The following PTPRD variants were observed in gnomAD, a reference collection of about 807,000 sequenced individuals.
PTPRD encodes the protein protein tyrosine phosphatase receptor type D.
A neutral mutation model predicts 214.5 loss-of-function variants in PTPRD; 34 were observed. The ratio of observed to expected loss-of-function variants is 0.16; its 90% CI spans 0.12 to 0.21. The LOEUF (loss-of-function observed/expected upper bound fraction) is 0.21. PTPRD is among the 10% of genes least tolerant of loss of function. The pLI, the probability that PTPRD is intolerant of heterozygous loss-of-function variation, is 1.00. For missense variants in PTPRD, 2,545 were observed against 2,398.7 expected, an observed-to-expected ratio of 1.06 and a Z score of -1.27; for synonymous variants, 1,128 against 845.7, an observed-to-expected ratio of 1.33 and a Z score of -5.79.
intron 3 of PTPRD, among the ~76,000 whole-genome samples, chr9:10,095,286 T>C (rs1266007541): frequency 6.6e-6 from 1 of 151,448 alleles, no homozygotes; most frequent in Non-Finnish European, 1.5e-5. Context: ...GTACCCAATA[T>C]CCCATAGATG....
rs1442148328 is a variant in PTPRD, at chr9:9,189,939, T to C, written c.-202-6576A>G. Among the ~76,000 whole-genome samples, 6 of 152,006 alleles carry C rather than the reference T, an allele frequency of 3.9e-5. No individual in the cohort carries two copies. The East Asian group carries it at 1.2e-3, about 30-fold the overall frequency. ...GTAATTTGAGCAGAAGTATCACATGTCACTTCCATGCAGAAGACTTTAATA... is the reference window on the plus strand; with the variant it reads ...GTAATTTGAGCAGAAGTATCACATGCCACTTCCATGCAGAAGACTTTAATA... On this transcript the variant is annotated intron_variant, in intron 9 of 45. Transcript: ENST00000381196.
intron 9 of PTPRD, among the ~76,000 whole-genome samples, chr9:9,235,420 T>C (rs537656574): frequency 7.9e-5 from 12 of 152,314 alleles, no homozygotes; most frequent in Non-Finnish European, 5.9e-5. Flanking sequence ...ATTGCACTCC[T>C]ACATGGCTGT....
chr9:10,179,465 T>G (rs1405931270), intron 3 of PTPRD, among the ~76,000 whole-genome samples: 1 of 151,988 alleles, frequency 6.6e-6, no homozygotes, highest in Non-Finnish European at 1.5e-5. Context: ...AATGATAAAA[T>G]ATAGTCCTAA....
chr9:9,927,368 C>G (rs1177795953), intron 5 of PTPRD, among the ~76,000 whole-genome samples: 3 of 152,086 alleles, frequency 2.0e-5, no homozygotes, highest in African/African-American at 7.2e-5. Context: ...CTGTCCTTTC[C>G]TAAGTGCCCT....
intron 2 of PTPRD, among the ~76,000 whole-genome samples, chr9:10,455,012 G>T (rs1271791468): frequency 6.6e-6 from 1 of 151,600 alleles, no homozygotes; most frequent in Non-Finnish European, 1.5e-5. Context: ...GTGTATATTT[G>T]ACTTTTTAAG....
intron 8 of PTPRD, among the ~76,000 whole-genome samples, chr9:9,441,042 G>T (rs1011028520): frequency 6.6e-6 from 1 of 152,084 alleles, no homozygotes; most frequent in Non-Finnish European, 1.5e-5. Context: ...CCCCTCATTG[G>T]GCCAAAATGG....
chr9:8,740,749 GA>G (rs33941183), intron 11 of PTPRD, among the ~76,000 whole-genome samples: 11,146 of 151,962 alleles, frequency 0.073, 1,093 homozygotes, highest in African/African-American at 0.23. Context: ...AATCAGTTAG[GA>G]AAAACAACAA....
At position 10,106,856 on chromosome 9, in the gene PTPRD, A is replaced by G. The variant is rs116796576; in HGVS notation, c.-544-73066T>C. Among the ~76,000 whole-genome samples, 667 of 152,080 alleles carry G rather than the reference A, an allele frequency of 4.4e-3. 2 individuals are homozygous for G. The highest frequency in any genetic ancestry group is 0.016 in the African/African-American group (651 of 41,526). ...TGTTTCATTGAAACTTTTGGCAGTG[A>G]CATACAGAAAGGAAAGGGAGAGTGA... On this transcript the variant is annotated intron_variant, in intron 3 of 45. Transcript: ENST00000381196.
At chr9:9,707,777 T>C (rs2097652448) in intron 7 of PTPRD, among the ~76,000 whole-genome samples, 1 of 152,142 alleles carries the variant, frequency 6.6e-6, no homozygotes, top group South Asian at 2.1e-4. Flanking sequence ...GCAGTGCCAC[T>C]ATTCTATTGG....
intron 5 of PTPRD, among the ~76,000 whole-genome samples, chr9:9,928,972 G>C (rs1354477728): frequency 6.6e-6 from 1 of 152,098 alleles, no homozygotes; most frequent in Non-Finnish European, 1.5e-5. Flanking sequence ...ATAAAATAGA[G>C]ACTATTTAGA....
intron 8 of PTPRD, among the ~76,000 whole-genome samples, chr9:9,572,031 A>G (rs1378388225): frequency 1.3e-5 from 2 of 151,330 alleles, no homozygotes; most frequent in Non-Finnish European, 3.0e-5. Flanking sequence ...GACATAAAAA[A>G]CTTTGATCAT....
At chr9:8,927,782 C>T (rs1335471612) in intron 11 of PTPRD, among the ~76,000 whole-genome samples, 3 of 152,178 alleles carry the variant, frequency 2.0e-5, no homozygotes, top group Non-Finnish European at 4.4e-5. Flanking sequence ...GGAATTGCCA[C>T]ACTGACTTCC....
chr9:9,926,346 G>C (rs2084300862), intron 5 of PTPRD, among the ~76,000 whole-genome samples: 1 of 152,008 alleles, frequency 6.6e-6, no homozygotes, highest in Non-Finnish European at 1.5e-5. Flanking sequence ...AGACAGAAAG[G>C]GATCATCATC....
chr9:9,488,664 G>C (rs2095763828), intron 8 of PTPRD, among the ~76,000 whole-genome samples: 2 of 152,196 alleles, frequency 1.3e-5, no homozygotes, highest in African/African-American at 4.8e-5. Context: ...TTAGGAGAAT[G>C]CACTTGCAGA....
At chr9:9,946,262 T>C (rs2092541205) in intron 4 of PTPRD, among the ~76,000 whole-genome samples, 1 of 152,082 alleles carries the variant, frequency 6.6e-6, no homozygotes, top group South Asian at 2.1e-4. Flanking sequence ...ACCTAGAAAA[T>C]AGGTGGTACT....
chr9:8,580,128 C>T (rs1222181453), intron 14 of PTPRD, among the ~76,000 whole-genome samples: 1 of 151,940 alleles, frequency 6.6e-6, no homozygotes, highest in Non-Finnish European at 1.5e-5. Context: ...GGTATTAAGA[C>T]AGAATATACG....
chr9:10,554,382 T>C (rs1355074599), intron 2 of PTPRD, among the ~76,000 whole-genome samples: 1 of 152,164 alleles, frequency 6.6e-6, no homozygotes, highest in Non-Finnish European at 1.5e-5. Context: ...GCAATCTTCT[T>C]AGCTCCATAC....
chr9:9,091,649 C>T (rs556761681), intron 10 of PTPRD, among the ~76,000 whole-genome samples: 8 of 152,276 alleles, frequency 5.3e-5, no homozygotes, highest in Middle Eastern at 3.4e-3. Flanking sequence ...TGAACAGTCA[C>T]AGAGAATGAC....
At chr9:8,982,807 AATATTCAGAACTGCTT>A (rs758723062) in intron 11 of PTPRD, among the ~76,000 whole-genome samples, 4 of 152,028 alleles carry the variant, frequency 2.6e-5, no homozygotes, top group African/African-American at 7.2e-5. Flanking sequence ...TTATTTTTAC[AATATTCAGAACTGCTT>A]ATATTCAGAA....
Sources: allele counts gnomAD v4.1 joint callset (sites outside exome capture counted in the v4.1 genomes callset), GRCh38; gene constraint gnomAD v4.1.1; transcripts MANE v1.5; gene names NCBI Gene and HGNC (gene_info 2026-07-23, HGNC 2026-07-21).